Variants in CCM2L observed in about 807,000 individuals in gnomAD.
The protein encoded by CCM2L is CCM2 like scaffold protein.
Under a neutral mutation model 54.1 loss-of-function variants are expected in CCM2L, and 36 were observed. The observed-to-expected ratio is 0.67, with a 90% CI of 0.51 to 0.88. The LOEUF (loss-of-function observed/expected upper bound fraction) is 0.88, where lower values mean the gene tolerates loss of function less well. Ranked by LOEUF, CCM2L falls within the 40% of genes least tolerant of loss-of-function variation. The probability of loss-of-function intolerance (pLI) is 0.00; values close to 1 mark genes in which losing one functional copy is unlikely to be tolerated. For synonymous variants in CCM2L, 351 were observed against 359.3 expected (o/e 0.98, Z 0.26); for missense variants, 700 against 812.1 (o/e 0.86, Z 1.68).
At chr20:32,025,743 T>G (rs1222547785) in intron 6 of CCM2L, 113 bp from the exon 7 acceptor site, 1 of 629,822 alleles carries the variant, frequency 1.6e-6, no homozygotes, top group African/African-American at 1.9e-5. Flanking sequence ...TGTGTGTTGG[T>G]GTCAGAGGCA....
rs2064715661 is a variant in CCM2L, at chr20:32,013,924, T to C, written c.31-980T>C. Among the ~76,000 whole-genome samples, 3 of 152,156 alleles carry C rather than the reference T, an allele frequency of 2.0e-5. No homozygotes were observed. In the South Asian group the frequency reaches 6.2e-4, roughly 32 times the overall value. On this transcript the variant is annotated intron_variant, in intron 1 of 9. Coordinates refer to ENST00000452892, the MANE Select transcript of CCM2L (RefSeq NM_001365692.1). ...GGGATGGGGCCTGATAATCTGCATT[T>C]CTCTCAGTTCCTAGGTGGTGCTGCT...
At chr20:32,020,311 C>G (rs914119342) in intron 5 of CCM2L, among the ~76,000 whole-genome samples, 2 of 152,204 alleles carry the variant, frequency 1.3e-5, no homozygotes, top group African/African-American at 4.8e-5. Context: ...CTGTCTCTCT[C>G]CCCTTGAAAC....
chr20:32,020,772 G>A (rs2064798374), intron 5 of CCM2L, among the ~76,000 whole-genome samples: 1 of 152,142 alleles, frequency 6.6e-6, no homozygotes, highest in Admixed American at 6.5e-5. Context: ...GATCACCTGA[G>A]TTGAGGAGTT....
intron 1 of CCM2L, among the ~76,000 whole-genome samples, chr20:32,011,947 T>C (rs1279484765): frequency 1.3e-5 from 2 of 151,514 alleles, no homozygotes; most frequent in Admixed American, 6.6e-5. Context: ...CCCAGCTCCA[T>C]AGCCGGCATT....
chr20:32,014,842 C>A, intron 1 of CCM2L, 62 bp from the exon 2 acceptor site: 1 of 1,444,412 alleles, frequency 6.9e-7, no homozygotes. Flanking sequence ...TAAAAGTGAG[C>A]ATAGTAAGAG....
rs1447177652 is a variant in CCM2L at position 32,022,658 on chromosome 20, A to G, written c.934-2A>G. Reference sequence around the variant, plus strand: ...AGCTCTCTCTCCTCCTCCCTGGGCCAGGACGCTGCAGAGGAGTCCTGCGCA... The same window carrying G: ...AGCTCTCTCTCCTCCTCCCTGGGCCGGGACGCTGCAGAGGAGTCCTGCGCA... On this transcript the variant is annotated splice_acceptor_variant, in intron 5 of 9. Coordinates refer to ENST00000452892, the MANE Select transcript of CCM2L (RefSeq NM_001365692.1). LOFTEE classifies it high-confidence loss of function. The G allele has an allele frequency of 6.2e-7, 1 of 1,613,930 alleles. No homozygotes were observed. Among genetic ancestry groups the G allele is most frequent in the African/African-American group, 1.3e-5 (1 of 74,938 alleles).
Position 32,010,464 on chromosome 20 carries a change from G to A in CCM2L, c.10G>A (p.Glu4Lys). 6.7e-7 allele frequency: 1 copy of A among 1,483,530 alleles called. No homozygotes were observed. The highest frequency in any genetic ancestry group is 9.0e-7 in the Non-Finnish European group (1 of 1,105,324). The allele number at this position is 1,483,530 out of a possible 1,614,324, so 91.9% of individuals were successfully genotyped here. Reference protein sequence around the residue: MEYEVKKGKKGFVS... With the variant: MEYKVKKGKKGFVS... ...GAGGGGACATTTCACCATGGAATAT[G>A]AAGTCAAGAAAGGGAAGAAGGTAGG... The change falls in exon 1 of 10, where the codon GAA becomes AAA. Residue 4 changes from glutamate to lysine, a missense_variant. Physicochemically the swap from Glu to Lys is moderately conservative, Grantham distance 56. Transcript: ENST00000452892.
At chr20:32,013,330 TG>T (rs1407055679) in intron 1 of CCM2L, among the ~76,000 whole-genome samples, 1 of 152,198 alleles carries the variant, frequency 6.6e-6, no homozygotes, top group Non-Finnish European at 1.5e-5. Context: ...ATTTTATGCC[TG>T]GGTCTCAGTC....
chr20:32,018,454 A>G (rs2064762986), intron 4 of CCM2L, among the ~76,000 whole-genome samples: 2 of 151,404 alleles, frequency 1.3e-5, no homozygotes, highest in South Asian at 4.2e-4. Context: ...AGGGTGGAGA[A>G]GCCCAAGACC....
chr20:32,026,305 T>C (rs544128594), intron 7 of CCM2L, among the ~76,000 whole-genome samples: 67 of 152,298 alleles, frequency 4.4e-4, no homozygotes, highest in African/African-American at 1.6e-3. Flanking sequence ...ATATTTGACA[T>C]AAAATAGAGC....
rs184884365 is a variant in CCM2L at position 32,014,225 on chromosome 20, T to C, written c.31-679T>C. 1.2e-3 allele frequency among the ~76,000 whole-genome samples: 174 copies of C among 148,302 alleles called. 3 individuals are homozygous for C. In the East Asian group the frequency reaches 0.029, roughly 25 times the overall value. ...TCTATATTATATATATTTATGTATATGATTTATATATATGTGTGTACATAT... is the reference window on the plus strand; with the variant it reads ...TCTATATTATATATATTTATGTATACGATTTATATATATGTGTGTACATAT... On this transcript the variant is annotated intron_variant, in intron 1 of 9. Coordinates refer to ENST00000452892, the MANE Select transcript of CCM2L (RefSeq NM_001365692.1).
At chr20:32,024,805 C>T (rs1274219285) in intron 6 of CCM2L, among the ~76,000 whole-genome samples, 1 of 152,122 alleles carries the variant, frequency 6.6e-6, no homozygotes, top group African/African-American at 2.4e-5. Context: ...CCAGCCTGGG[C>T]GACAACAGCG....
intron 8 of CCM2L, among the ~76,000 whole-genome samples, chr20:32,029,466 A>G (rs2064898327): frequency 1.3e-5 from 2 of 152,192 alleles, no homozygotes; most frequent in Non-Finnish European, 2.9e-5. Context: ...CACCTACCCA[A>G]GATCACAGAG....
intron 4 of CCM2L, among the ~76,000 whole-genome samples, chr20:32,018,363 G>A (rs2064762464): frequency 6.6e-6 from 1 of 152,198 alleles, no homozygotes; most frequent in Non-Finnish European, 1.5e-5. Flanking sequence ...GAGGCTCTGG[G>A]AAAGCAGACA....
At chr20:32,021,998 TAGAG>T (rs1030231981) in intron 5 of CCM2L, among the ~76,000 whole-genome samples, 1 of 152,192 alleles carries the variant, frequency 6.6e-6, no homozygotes, top group African/African-American at 2.4e-5. Flanking sequence ...AGACACAACA[TAGAG>T]AAAAGGTTCA....
chr20:32,029,900 G>C, intron 9 of CCM2L, 62 bp downstream of exon 9: 1 of 1,465,320 alleles, frequency 6.8e-7, no homozygotes, highest in South Asian at 1.4e-5. Flanking sequence ...TGCCATCCCA[G>C]TCAGGCACCA....
rs1315193636 is a variant in CCM2L, at chr20:32,019,295, CAGCGGCGGGGGAGGCAGCTGGG to C, written c.827_848del (p.Gly276AlafsTer26). 7 of 1,284,482 alleles carry C rather than the reference CAGCGGCGGGGGAGGCAGCTGGG, an allele frequency of 5.4e-6. No individual in the cohort carries two copies. Among genetic ancestry groups the C allele is most frequent in the Non-Finnish European group, 6.9e-6 (7 of 1,016,448 alleles). The allele number at this position is 1,284,482 out of a possible 1,614,324, so 79.6% of individuals were successfully genotyped here. ...GTAGCTGGGAGCGGAGGCAGGCGGG[CAGCGGCGGGGGAGGCAGCTGGG>C]AGCGGCGCCACCCCGGCCCCAACCC... On this transcript the variant is annotated frameshift_variant, in exon 5 of 10. Transcript: ENST00000452892. LOFTEE classifies it high-confidence loss of function.
At chr20:32,010,586 G>A (rs962759721) in intron 1 of CCM2L, 102 bp downstream of exon 1, 28 of 1,033,952 alleles carry the variant, frequency 2.7e-5, no homozygotes, top group Non-Finnish European at 4.1e-5. Flanking sequence ...AGGGGCATAA[G>A]TGGAGCCTTT....
chr20:32,010,525 C>T, intron 1 of CCM2L, 41 bp downstream of exon 1: 1 of 1,537,116 alleles, frequency 6.5e-7, no homozygotes. Flanking sequence ...GAGGAATGTC[C>T]CCAAAGCTGG....
Sources: gnomAD v4.1 joint callset for allele counts (sites outside exome capture counted in the v4.1 genomes callset) on GRCh38, gnomAD v4.1.1 for gene constraint, MANE v1.5 for transcripts, NCBI Gene and HGNC (gene_info 2026-07-23, HGNC 2026-07-21) for gene names.